Variants in MACROD2 observed in about 807,000 individuals in gnomAD.
MACROD2 encodes mono-ADP ribosylhydrolase 2, also known as ADP-ribose glycohydrolase MACROD2.
A neutral mutation model predicts 70.4 loss-of-function variants in MACROD2; 36 were observed. That is an observed-to-expected ratio of 0.51 (90% CI 0.39 to 0.68). The LOEUF is 0.68. Among genes scored for constraint, MACROD2 ranks in the 30% least tolerant of loss-of-function variants. The pLI, the probability that MACROD2 is intolerant of heterozygous loss-of-function variation, is 0.00. For synonymous variants in MACROD2, 172 were observed against 178.8 expected (o/e 0.96, Z 0.30); for missense variants, 496 against 538.4 (o/e 0.92, Z 0.78).
chr20:15,966,335 T>A (rs188749623), intron 12 of MACROD2, among the ~76,000 whole-genome samples: 9 of 152,326 alleles, frequency 5.9e-5, no homozygotes, highest in African/African-American at 2.2e-4. Flanking sequence ...CTTATGACTT[T>A]TAGATATCTT....
chr20:14,469,494 G>A (rs1387843024), intron 3 of MACROD2, among the ~76,000 whole-genome samples: 2 of 151,976 alleles, frequency 1.3e-5, no homozygotes, highest in Non-Finnish European at 2.9e-5. Context: ...GGTTGGGGAA[G>A]TTCTGGATAA....
chr20:14,189,370 G>T (rs1457752010), intron 3 of MACROD2, among the ~76,000 whole-genome samples: 3 of 152,016 alleles, frequency 2.0e-5, no homozygotes, highest in Non-Finnish European at 4.4e-5. Context: ...TTTTTCAAAA[G>T]ACTTTTATTT....
intron 6 of MACROD2, among the ~76,000 whole-genome samples, chr20:15,235,751 C>G (rs2077008129): frequency 6.6e-6 from 1 of 152,176 alleles, no homozygotes; most frequent in South Asian, 2.1e-4. Context: ...ATGCAGTTCT[C>G]TATTCAAGAA....
intron 2 of MACROD2, among the ~76,000 whole-genome samples, chr20:14,074,517 G>A (rs948896573): frequency 2.6e-5 from 4 of 152,176 alleles, no homozygotes; most frequent in African/African-American, 9.7e-5. Flanking sequence ...TTAAGATTCT[G>A]AGTTTACTGG....
intron 8 of MACROD2, among the ~76,000 whole-genome samples, chr20:15,593,304 TC>T (rs2048703398): frequency 6.6e-6 from 1 of 152,164 alleles, no homozygotes; most frequent in African/African-American, 2.4e-5. Context: ...ATCTTCCCTT[TC>T]TTAGGATGAG....
At chr20:14,267,657 AC>A (rs1215967383) in intron 3 of MACROD2, among the ~76,000 whole-genome samples, 1 of 152,130 alleles carries the variant, frequency 6.6e-6, no homozygotes, top group African/African-American at 2.4e-5. Flanking sequence ...GTTAGGTCTT[AC>A]CATGTGTCTA....
At chr20:15,754,586 A>G (rs1426543529) in intron 8 of MACROD2, among the ~76,000 whole-genome samples, 1 of 151,528 alleles carries the variant, frequency 6.6e-6, no homozygotes, top group African/African-American at 2.4e-5. Flanking sequence ...GGTTTGAGCC[A>G]CTGCACTCAA....
At chr20:14,511,638 C>T (rs1228482988) in intron 4 of MACROD2, among the ~76,000 whole-genome samples, 2 of 150,824 alleles carry the variant, frequency 1.3e-5, no homozygotes, top group Non-Finnish European at 2.9e-5. Context: ...TAATGCCATC[C>T]TTGGAATATT....
intron 3 of MACROD2, among the ~76,000 whole-genome samples, chr20:14,401,954 A>G (rs1163039304): frequency 6.6e-6 from 1 of 152,168 alleles, no homozygotes; most frequent in Non-Finnish European, 1.5e-5. Context: ...ACATTCTCTG[A>G]ACAGGCAGCT....
intron 5 of MACROD2, among the ~76,000 whole-genome samples, chr20:14,930,077 G>C (rs1444901539): frequency 6.6e-6 from 1 of 151,568 alleles, no homozygotes; most frequent in African/African-American, 2.4e-5. Flanking sequence ...CAGGAGAATG[G>C]TGTGAACCCG....
Position 15,487,160 on chromosome 20 carries a change from C to T in MACROD2, c.572-12614C>T, listed in dbSNP as rs1371466906. On this transcript the variant is annotated intron_variant, in intron 7 of 17. Coordinates refer to ENST00000684519, the MANE Select transcript of MACROD2 (RefSeq NM_001351661.2). ...ATGGCCAAAGTCAACATTGATGGGG[C>T]AGGGAAATATGTTCCACCCAGGGTG... Among the ~76,000 whole-genome samples the T allele has an allele frequency of 3.9e-5, 6 of 152,280 alleles. No individual in the cohort carries two copies. The East Asian group carries it at 1.2e-3, about 29-fold the overall frequency.
intron 3 of MACROD2, among the ~76,000 whole-genome samples, chr20:14,358,666 C>G (rs1355363808): frequency 6.6e-6 from 1 of 152,062 alleles, no homozygotes; most frequent in African/African-American, 2.4e-5. Context: ...CCATGTTGGC[C>G]AGGATGGTCT....
At chr20:15,083,361 C>A (rs1018215429) in intron 5 of MACROD2, among the ~76,000 whole-genome samples, 1 of 152,168 alleles carries the variant, frequency 6.6e-6, no homozygotes, top group African/African-American at 2.4e-5. Flanking sequence ...TAAAACCAAT[C>A]ATTCCCTATT....
chr20:14,452,741 T>C (rs1035539033), intron 3 of MACROD2, among the ~76,000 whole-genome samples: 8 of 152,202 alleles, frequency 5.3e-5, no homozygotes, highest in African/African-American at 1.9e-4. Context: ...GTGAATCCTT[T>C]GGTAAACCGA....
chr20:15,342,795 G>A (rs1018771971), intron 6 of MACROD2, among the ~76,000 whole-genome samples: 1 of 152,094 alleles, frequency 6.6e-6, no homozygotes, highest in Non-Finnish European at 1.5e-5. Context: ...CTTCATTGGT[G>A]GTACGGGAAT....
At chr20:14,858,972 G>A (rs887548820) in intron 5 of MACROD2, among the ~76,000 whole-genome samples, 28 of 152,112 alleles carry the variant, frequency 1.8e-4, no homozygotes, top group Admixed American at 1.6e-3. Flanking sequence ...ATGAGATTAA[G>A]TAGTCACGAA....
chr20:14,974,492 C>T (rs776752044), intron 5 of MACROD2, among the ~76,000 whole-genome samples: 6 of 152,072 alleles, frequency 3.9e-5, no homozygotes, highest in Non-Finnish European at 5.9e-5. Flanking sequence ...AGGATGGGGG[C>T]ACCACAAAGG....
chr20:15,757,470 T>G (rs187094191), intron 8 of MACROD2, among the ~76,000 whole-genome samples: 1 of 152,322 alleles, frequency 6.6e-6, no homozygotes, highest in African/African-American at 2.4e-5. Flanking sequence ...GAGATTATTT[T>G]TCTGATGAAT....
At chr20:15,522,246 A>G (rs1166096869) in intron 8 of MACROD2, among the ~76,000 whole-genome samples, 1 of 152,198 alleles carries the variant, frequency 6.6e-6, no homozygotes, top group Non-Finnish European at 1.5e-5. Flanking sequence ...CTAGTGCTGT[A>G]AAAGAGGTAG....
Sources: gnomAD v4.1 joint callset for allele counts (sites outside exome capture counted in the v4.1 genomes callset) on GRCh38, gnomAD v4.1.1 for gene constraint, MANE v1.5 for transcripts, NCBI Gene and HGNC (gene_info 2026-07-23, HGNC 2026-07-21) for gene names.